The following TENM3 variants were observed in gnomAD, a reference collection of about 807,000 sequenced individuals.
The protein encoded by TENM3 is teneurin-3.
Under a neutral mutation model 255.1 loss-of-function variants are expected in TENM3, and 63 were observed. The ratio of observed to expected loss-of-function variants is 0.25; its 90% confidence interval spans 0.20 to 0.30. The LOEUF (loss-of-function observed/expected upper bound fraction) is 0.30. TENM3 is among the 10% of genes least tolerant of loss of function. The pLI is 1.00. For synonymous variants in TENM3, 1,306 were observed against 1,322.3 expected (o/e 0.99, Z 0.27); for missense variants, 2,929 against 3,461.1 (o/e 0.85, Z 3.86).
the TENM3 span, among the ~76,000 whole-genome samples, chr4:181,943,514 G>A: frequency 6.6e-6 from 1 of 152,202 alleles, no homozygotes; most frequent in African/African-American, 2.4e-5. Flanking sequence ...TGTGGTGGAT[G>A]AATGTTCATT....
chr4:182,328,901 G>C (rs1219791570), intron 2 of TENM3, among the ~76,000 whole-genome samples: 1 of 152,116 alleles, frequency 6.6e-6, no homozygotes, highest in African/African-American at 2.4e-5. Flanking sequence ...CACAAGGCCT[G>C]ATTCCCCACT....
chr4:182,187,071 A>G (rs1753210080), intron 1 of TENM3, among the ~76,000 whole-genome samples: 1 of 151,890 alleles, frequency 6.6e-6, no homozygotes, highest in African/African-American at 2.4e-5. Flanking sequence ...CTTTAAAAAG[A>G]AAAGCAGTTA....
At chr4:182,592,792 AAG>A (rs1746801539) in intron 3 of TENM3, among the ~76,000 whole-genome samples, 1 of 152,238 alleles carries the variant, frequency 6.6e-6, no homozygotes, top group Non-Finnish European at 1.5e-5. Context: ...GTTTTTAAGA[AAG>A]AGGTCAATTT....
the TENM3 span, among the ~76,000 whole-genome samples, chr4:181,973,595 A>AT: frequency 1.3e-5 from 2 of 152,088 alleles, no homozygotes; most frequent in Admixed American, 6.6e-5. Context: ...TACAAGAAAA[A>AT]AAATAAATAA....
chr4:182,680,402 C>T, intron 9 of TENM3, 53 bp downstream of exon 9: 1 of 1,353,768 alleles, frequency 7.4e-7, no homozygotes, highest in Admixed American at 1.8e-5. Context: ...TGTAGAAACA[C>T]AAGTGATTCC....
At chr4:182,158,783 CAGCTATAACT>C (rs1407182942) in intron 1 of TENM3, among the ~76,000 whole-genome samples, 3 of 152,074 alleles carry the variant, frequency 2.0e-5, no homozygotes, top group African/African-American at 7.2e-5. Flanking sequence ...CTGCAGTGGC[CAGCTATAACT>C]AAAGTATATT....
intron 3 of TENM3, among the ~76,000 whole-genome samples, chr4:182,518,986 AC>A (rs1379815837): frequency 6.6e-6 from 1 of 152,172 alleles, no homozygotes; most frequent in Non-Finnish European, 1.5e-5. Flanking sequence ...GGTTTTATGA[AC>A]AAAACTAAGA....
chr4:182,380,411 T>G (rs1767485180), intron 3 of TENM3, among the ~76,000 whole-genome samples: 1 of 152,242 alleles, frequency 6.6e-6, no homozygotes. Context: ...AAACTCCATG[T>G]GGACAGGCAC....
At chr4:181,785,524 C>T in the TENM3 span, among the ~76,000 whole-genome samples, 4 of 152,142 alleles carry the variant, frequency 2.6e-5, no homozygotes, top group Non-Finnish European at 5.9e-5. Context: ...TGCGCATATA[C>T]ACATTAAGTA....
upstream of TENM3, among the ~76,000 whole-genome samples, chr4:182,240,079 G>A (rs147810356): frequency 6.6e-6 from 1 of 152,300 alleles, no homozygotes; most frequent in East Asian, 1.9e-4. Context: ...CTTTGCTGAT[G>A]ACTGCAGTGG....
At chr4:181,857,551 C>CAAAAAAAAAAAAAAAAAAAAAA in the TENM3 span, among the ~76,000 whole-genome samples, 1 of 104,798 alleles carries the variant, frequency 9.5e-6, no homozygotes, top group South Asian at 2.7e-4. Context: ...CCTGTCTCTA[C>CAAAAAAAAAAAAAAAAAAAAAA]AAAAAAAAAA....
chr4:182,473,416 G>A (rs906809954), intron 3 of TENM3, among the ~76,000 whole-genome samples: 1 of 152,176 alleles, frequency 6.6e-6, no homozygotes, highest in Admixed American at 6.5e-5. Flanking sequence ...GCTCATGCCT[G>A]TAATCCCAGC....
At chr4:182,697,167 C>A (rs1757493403) in intron 12 of TENM3, among the ~76,000 whole-genome samples, 1 of 152,188 alleles carries the variant, frequency 6.6e-6, no homozygotes. Flanking sequence ...AACAAACTGA[C>A]TGTGACTAAT....
At chr4:182,529,285 T>A (rs962771796) in intron 3 of TENM3, among the ~76,000 whole-genome samples, 4 of 152,174 alleles carry the variant, frequency 2.6e-5, no homozygotes, top group African/African-American at 9.6e-5. Context: ...CCAAAATGTA[T>A]CACTTGGTCT....
At chr4:181,669,712 G>A in the TENM3 span, among the ~76,000 whole-genome samples, 2 of 152,118 alleles carry the variant, frequency 1.3e-5, no homozygotes, top group African/African-American at 4.8e-5. Flanking sequence ...GCAAACCTGG[G>A]ATGTCTATCT....
chr4:181,551,676 G>A, the TENM3 span, among the ~76,000 whole-genome samples: 4 of 152,068 alleles, frequency 2.6e-5, no homozygotes, highest in Admixed American at 1.3e-4. Context: ...GGCCTAAATC[G>A]TCAATATACT....
At chr4:181,522,170 G>T in the TENM3 span, among the ~76,000 whole-genome samples, 1 of 150,274 alleles carries the variant, frequency 6.7e-6, no homozygotes, top group South Asian at 2.1e-4. Flanking sequence ...CTCAGGCTGG[G>T]TGCTATGTAT....
chr4:182,607,122 A>G (rs1748510594), intron 4 of TENM3, among the ~76,000 whole-genome samples: 1 of 152,228 alleles, frequency 6.6e-6, no homozygotes. Flanking sequence ...CACGTGGCAC[A>G]TGCTAGGTGT....
chr4:181,742,176 A>C, the TENM3 span, among the ~76,000 whole-genome samples: 1 of 152,200 alleles, frequency 6.6e-6, no homozygotes, highest in Non-Finnish European at 1.5e-5. Context: ...ACCTTTAAAA[A>C]AAACAGAAAT....
Sources: allele counts gnomAD v4.1 joint callset (sites outside exome capture counted in the v4.1 genomes callset), GRCh38; gene constraint gnomAD v4.1.1; transcripts MANE v1.5; gene names NCBI Gene and HGNC (gene_info 2026-07-23, HGNC 2026-07-21).